The following CPA6 variants were observed in gnomAD, a reference collection of about 807,000 sequenced individuals.
The protein encoded by CPA6 is carboxypeptidase A6, also known as carboxypeptidase B.
CPA6 carries 58 observed loss-of-function variants against 63.3 expected under a neutral mutation model. The observed-to-expected ratio is 0.92, with a 90% CI of 0.74 to 1.14. CPA6 has a LOEUF of 1.14. Ranked by LOEUF, CPA6 falls within the 50% of genes most tolerant of loss-of-function variation. CPA6 has a pLI of 0.00. For missense variants in CPA6, 565 were observed against 526.6 expected, an observed-to-expected ratio of 1.07 and a Z score of -0.71; for synonymous variants, 185 against 179.0, an observed-to-expected ratio of 1.03 and a Z score of -0.27.
chr8:67,468,445 G>T (rs918063331), intron 8 of CPA6, among the ~76,000 whole-genome samples: 1 of 151,798 alleles, frequency 6.6e-6, no homozygotes, highest in Non-Finnish European at 1.5e-5. Flanking sequence ...ATACCAGTGG[G>T]TGTGGTGGCA....
intron 1 of CPA6, among the ~76,000 whole-genome samples, chr8:67,730,737 AAT>A (rs777216965): frequency 4.0e-4 from 60 of 149,910 alleles, no homozygotes; most frequent in Admixed American, 7.9e-4. Flanking sequence ...ATGAAGACCA[AAT>A]ATATATGTTT....
chr8:67,552,950 T>C (rs1433568139), intron 2 of CPA6, among the ~76,000 whole-genome samples: 1 of 152,132 alleles, frequency 6.6e-6, no homozygotes, highest in African/African-American at 2.4e-5. Flanking sequence ...TAGATTTTGA[T>C]TTAAACTGTA....
intron 1 of CPA6, among the ~76,000 whole-genome samples, chr8:67,733,755 GT>G (rs1463212715): frequency 6.6e-6 from 1 of 151,906 alleles, no homozygotes; most frequent in Non-Finnish European, 1.5e-5. Context: ...TTGGAAAGGA[GT>G]GGGGGGCGGT....
intron 9 of CPA6, chr8:67,429,707 A>G (rs987309579): frequency 1.3e-5 from 2 of 152,188 alleles, no homozygotes. Flanking sequence ...TCTCAGCAAT[A>G]TTCCATGGCA....
At chr8:67,706,003 GT>G (rs1276527089) in intron 1 of CPA6, among the ~76,000 whole-genome samples, 1 of 152,134 alleles carries the variant, frequency 6.6e-6, no homozygotes, top group Non-Finnish European at 1.5e-5. Context: ...ATCTTTTATG[GT>G]AAATTTTTGT....
chr8:67,651,884 C>T (rs887803576), intron 1 of CPA6, among the ~76,000 whole-genome samples: 3 of 151,808 alleles, frequency 2.0e-5, no homozygotes, highest in African/African-American at 7.3e-5. Flanking sequence ...TAAAGCTATC[C>T]CTCCCCCCTG....
rs1817252405 is a variant in CPA6 at position 67,711,146 on chromosome 8, TG to T, written c.116+34867del. Among the ~76,000 whole-genome samples, 4 of 152,154 alleles carry T rather than the reference TG, an allele frequency of 2.6e-5. No homozygotes were observed. In the South Asian group the frequency reaches 8.3e-4, roughly 32 times the overall value. The stretch of plus-strand genomic sequence containing the variant: ...TCTGCTCAGAGTTTAGGACTTGAAC[TG>T]TAACACAAAGAAACTGCAGAGAGTT... On this transcript the variant is annotated intron_variant, in intron 1 of 10. Transcript: ENST00000297770.
At chr8:67,546,000 A>T (rs1464542228) in intron 2 of CPA6, among the ~76,000 whole-genome samples, 1 of 152,096 alleles carries the variant, frequency 6.6e-6, no homozygotes, top group Non-Finnish European at 1.5e-5. Flanking sequence ...TCTCCCAGTC[A>T]CACAGACAGA....
chr8:67,557,056 C>G (rs1224379059), intron 2 of CPA6, among the ~76,000 whole-genome samples: 1 of 152,098 alleles, frequency 6.6e-6, no homozygotes, highest in Non-Finnish European at 1.5e-5. Context: ...TTCTGAACAC[C>G]CCCTCTAACT....
chr8:67,715,374 T>C (rs1489689896), intron 1 of CPA6, among the ~76,000 whole-genome samples: 1 of 152,232 alleles, frequency 6.6e-6, no homozygotes, highest in Non-Finnish European at 1.5e-5. Flanking sequence ...GAAGTCACTT[T>C]ACTGCTGCCT....
intron 1 of CPA6, among the ~76,000 whole-genome samples, chr8:67,689,736 A>T (rs765224517): frequency 7.2e-5 from 11 of 152,234 alleles, no homozygotes; most frequent in Non-Finnish European, 1.5e-4. Context: ...CGATGAACAT[A>T]CAAGTGCATG....
chr8:67,463,832 T>A (rs1175260604), intron 8 of CPA6, among the ~76,000 whole-genome samples: 1 of 152,228 alleles, frequency 6.6e-6, no homozygotes, highest in Admixed American at 6.5e-5. Context: ...ACCTAATCCA[T>A]GTTGCTGCAA....
chr8:67,506,492 A>G (rs1811929253), intron 6 of CPA6, among the ~76,000 whole-genome samples: 1 of 152,184 alleles, frequency 6.6e-6, no homozygotes, highest in African/African-American at 2.4e-5. Flanking sequence ...GCTGTGCCAT[A>G]TATGCATTGC....
intron 2 of CPA6, among the ~76,000 whole-genome samples, chr8:67,523,177 G>A (rs945612537): frequency 1.3e-5 from 2 of 152,104 alleles, no homozygotes; most frequent in East Asian, 1.9e-4. Flanking sequence ...ACTATAAATA[G>A]CATATTTTAA....
chr8:67,616,639 A>G (rs1187893509), intron 2 of CPA6, among the ~76,000 whole-genome samples: 1 of 151,930 alleles, frequency 6.6e-6, no homozygotes, highest in Non-Finnish European at 1.5e-5. Context: ...TCTCTCACTA[A>G]GCATGAGAGT....
At chr8:67,441,405 C>A (rs938690492) in intron 8 of CPA6, among the ~76,000 whole-genome samples, 6 of 152,180 alleles carry the variant, frequency 3.9e-5, no homozygotes, top group African/African-American at 1.2e-4. Context: ...TAAAGATATT[C>A]ATTCTTCCCT....
At chr8:67,664,063 C>T (rs1816175804) in intron 1 of CPA6, among the ~76,000 whole-genome samples, 1 of 152,184 alleles carries the variant, frequency 6.6e-6, no homozygotes, top group Non-Finnish European at 1.5e-5. Context: ...TGAAGGTTCT[C>T]ATTTTAAAGT....
intron 1 of CPA6, among the ~76,000 whole-genome samples, chr8:67,728,880 T>C (rs768369183): frequency 4.6e-5 from 7 of 152,180 alleles, no homozygotes; most frequent in Non-Finnish European, 7.4e-5. Flanking sequence ...TTTGCATGGA[T>C]TCTCTAACCA....
chr8:67,656,437 C>A (rs2128992235), intron 1 of CPA6, among the ~76,000 whole-genome samples: 1 of 152,258 alleles, frequency 6.6e-6, no homozygotes, highest in Non-Finnish European at 1.5e-5. Flanking sequence ...CTGGTCAGCT[C>A]CAGACCTTGG....
Sources: allele counts gnomAD v4.1 joint callset (sites outside exome capture counted in the v4.1 genomes callset), GRCh38; gene constraint gnomAD v4.1.1; transcripts MANE v1.5; gene names NCBI Gene and HGNC (gene_info 2026-07-23, HGNC 2026-07-21).